Variants in RBFOX1 observed in about 807,000 individuals in gnomAD.
RBFOX1 encodes the protein RNA binding protein fox-1 homolog 1.
In RBFOX1, 8 loss-of-function variants were observed where a neutral mutation model predicts 57.7. The ratio of observed to expected loss-of-function variants is 0.14; its 90% confidence interval spans 0.08 to 0.25. RBFOX1 has a LOEUF of 0.25. Ranked by LOEUF, RBFOX1 falls within the 10% of genes least tolerant of loss-of-function variation. The pLI, the probability that RBFOX1 is intolerant of heterozygous loss-of-function variation, is 1.00. For missense variants in RBFOX1, 611 were observed against 548.5 expected, an observed-to-expected ratio of 1.11 and a Z score of -1.14; for synonymous variants, 326 against 222.4, an observed-to-expected ratio of 1.47 and a Z score of -4.15.
Position 5,550,231 on chromosome 16 carries a change from A to G in RBFOX1, c.259-48671A>G, listed in dbSNP as rs141601507. On this transcript the variant is annotated intron_variant, in intron 2 of 2. Coordinates refer to the RBFOX1 transcript ENST00000585867. ...AGGTTTCTGGAGGACATTGTAGGGT[A>G]GGACTGAACTGTAGGATCTCAAGAG... 4.0e-3 allele frequency among the ~76,000 whole-genome samples: 610 copies of G among 152,314 alleles called. 2 individuals carry two copies. The highest frequency in any genetic ancestry group is 5.6e-3 in the Non-Finnish European group (384 of 68,028).
chr16:7,169,455 A>G (rs750415862), intron 4 of RBFOX1, among the ~76,000 whole-genome samples: 1 of 152,190 alleles, frequency 6.6e-6, no homozygotes, highest in Non-Finnish European at 1.5e-5. Context: ...TATCTGCTAG[A>G]TTCAGTAGCA....
intron 1 of RBFOX1, among the ~76,000 whole-genome samples, chr16:6,199,095 C>T (rs545930768): frequency 4.7e-4 from 71 of 151,742 alleles, no homozygotes; most frequent in African/African-American, 1.7e-3. Flanking sequence ...TTCTATGCTC[C>T]GTTCCATTTT....
At chr16:6,861,473 C>T (rs1283931140) in intron 3 of RBFOX1, among the ~76,000 whole-genome samples, 1 of 140,814 alleles carries the variant, frequency 7.1e-6, no homozygotes, top group Non-Finnish European at 1.5e-5. Flanking sequence ...GGAATGATTC[C>T]CCTCCCAACC....
At chr16:7,072,424 T>C (rs773270736) in intron 4 of RBFOX1, among the ~76,000 whole-genome samples, 3 of 152,356 alleles carry the variant, frequency 2.0e-5, no homozygotes, top group South Asian at 4.1e-4. Context: ...TCCCTTTAGA[T>C]TGACTCCTCT....
At chr16:7,011,722 G>C (rs558092890) in intron 3 of RBFOX1, among the ~76,000 whole-genome samples, 6 of 152,200 alleles carry the variant, frequency 3.9e-5, no homozygotes, top group African/African-American at 9.6e-5. Flanking sequence ...CACCATGTTA[G>C]TCAGGATGGT....
At chr16:6,668,025 C>A (rs1469786952) in intron 3 of RBFOX1, among the ~76,000 whole-genome samples, 2 of 152,118 alleles carry the variant, frequency 1.3e-5, no homozygotes, top group Non-Finnish European at 2.9e-5. Flanking sequence ...ACATCTAGGA[C>A]AAGTTAAGAT....
chr16:5,801,912 A>G (rs2055070066), intron 3 of RBFOX1, among the ~76,000 whole-genome samples: 1 of 152,190 alleles, frequency 6.6e-6, no homozygotes, highest in African/African-American at 2.4e-5. Context: ...GAAATGGAGC[A>G]TAAAGGAAAG....
intron 10 of RBFOX1, among the ~76,000 whole-genome samples, chr16:7,623,392 T>G (rs984791320): frequency 6.6e-6 from 1 of 152,142 alleles, no homozygotes; most frequent in Non-Finnish European, 1.5e-5. Context: ...CTGGGCTTCT[T>G]TTCTTGTAAC....
chr16:5,483,958 C>T (rs2069637419), intron 2 of RBFOX1, among the ~76,000 whole-genome samples: 1 of 151,944 alleles, frequency 6.6e-6, no homozygotes, highest in Admixed American at 6.6e-5. Context: ...ATTGCTTGAG[C>T]CCAGGAGTTT....
In RBFOX1 at chr16:6,193,397, T is replaced by TATA. The variant is rs1205121946; in HGVS notation, c.-126-123597_-126-123595dup. 6.3e-3 allele frequency among the ~76,000 whole-genome samples: 186 copies of TATA among 29,372 alleles called. 5 individuals are homozygous for TATA. Among genetic ancestry groups the TATA allele is most frequent in the Middle Eastern group, 0.053 (4 of 76 alleles). 19.3% of individuals were successfully genotyped at this position (29,372 alleles called of 152,430 possible). On this transcript the variant is annotated intron_variant, in intron 1 of 15. Coordinates refer to ENST00000550418, the MANE Select transcript of RBFOX1 (RefSeq NM_018723.4). ...ATATACATTATATATATATACTATA[T>TATA]ATATATATATATATATATATATATA... is the stretch of plus-strand genomic sequence containing the variant.
chr16:6,048,080 G>A (rs896736128), intron 1 of RBFOX1, among the ~76,000 whole-genome samples: 6 of 152,188 alleles, frequency 3.9e-5, no homozygotes, highest in African/African-American at 1.2e-4. Context: ...AGCCATTTGT[G>A]TTATGTTTAA....
At chr16:6,252,957 A>G (rs2097631275) in intron 1 of RBFOX1, among the ~76,000 whole-genome samples, 1 of 152,166 alleles carries the variant, frequency 6.6e-6, no homozygotes, top group Non-Finnish European at 1.5e-5. Context: ...ATGCTAGACT[A>G]CTTAGTGATA....
intron 10 of RBFOX1, among the ~76,000 whole-genome samples, chr16:7,611,516 T>C (rs1183443354): frequency 6.6e-6 from 1 of 151,702 alleles, no homozygotes; most frequent in Non-Finnish European, 1.5e-5. Flanking sequence ...GAGGCAGAGG[T>C]TGCAGTGAGC....
At chr16:6,412,877 GTC>G (rs1567218863) in intron 2 of RBFOX1, among the ~76,000 whole-genome samples, 1 of 152,186 alleles carries the variant, frequency 6.6e-6, no homozygotes, top group African/African-American at 2.4e-5. Context: ...CATTTGTTGA[GTC>G]TCTCTTTGGA....
At chr16:5,427,716 T>C (rs1374139224) in intron 1 of RBFOX1, among the ~76,000 whole-genome samples, 3 of 152,202 alleles carry the variant, frequency 2.0e-5, no homozygotes, top group Admixed American at 2.0e-4. Flanking sequence ...TGTAAGAATT[T>C]CCTCTTGCTC....
chr16:7,477,370 C>T (rs1287929803), intron 4 of RBFOX1, among the ~76,000 whole-genome samples: 2 of 152,142 alleles, frequency 1.3e-5, no homozygotes, highest in African/African-American at 4.8e-5. Flanking sequence ...GACCTGGGCT[C>T]CAGTTTGGGT....
At chr16:6,935,091 GA>G (rs369445353) in intron 3 of RBFOX1, among the ~76,000 whole-genome samples, 42 of 146,914 alleles carry the variant, frequency 2.9e-4, no homozygotes, top group Admixed American at 2.0e-3. Flanking sequence ...CCCCATCTCG[GA>G]AAAAAAAAAG....
At chr16:6,988,731 A>ATT (rs111959126) in intron 3 of RBFOX1, among the ~76,000 whole-genome samples, 3,538 of 90,916 alleles carry the variant, frequency 0.039, 127 homozygotes, top group African/African-American at 0.066. Flanking sequence ...CACCCAGCTA[A>ATT]TTTTTTTTTT....
chr16:5,865,776 C>T (rs1207423620), intron 3 of RBFOX1, among the ~76,000 whole-genome samples: 5 of 152,156 alleles, frequency 3.3e-5, no homozygotes, highest in Non-Finnish European at 7.3e-5. Context: ...ATTTCTCATA[C>T]TCTGGAGCCT....
Sources: allele counts gnomAD v4.1 joint callset (sites outside exome capture counted in the v4.1 genomes callset), GRCh38; gene constraint gnomAD v4.1.1; transcripts MANE v1.5; gene names NCBI Gene and HGNC (gene_info 2026-07-23, HGNC 2026-07-21).